PSME4: variants seen among roughly 807,000 people sequenced by gnomAD.
PSME4 encodes the protein proteasome activator subunit 4.
A neutral mutation model predicts 253.9 loss-of-function variants in PSME4; 89 were observed. That is an observed-to-expected ratio of 0.35 (90% CI 0.30 to 0.42). The LOEUF (loss-of-function observed/expected upper bound fraction) is 0.42. PSME4 is among the 10% of genes least tolerant of loss of function. PSME4 has a pLI of 1.00. For missense variants in PSME4, 2,014 were observed against 2,195.2 expected (o/e 0.92, Z 1.65); for synonymous variants, 851 against 759.2 (o/e 1.12, Z -1.99).
In PSME4 at chr2:53,903,238, A is replaced by AC. The variant is rs201802287; in HGVS notation, c.3075+786dup. On this transcript the variant is annotated intron_variant, in intron 27 of 46. Transcript: ENST00000404125. ...ATGGTGCTCTTAGGTCATTGGAACCACTTCAAATTAAACTAGTCCAAATTA... is the reference window on the plus strand; with the variant it reads ...ATGGTGCTCTTAGGTCATTGGAACCACCTTCAAATTAAACTAGTCCAAATTA... Among the ~76,000 whole-genome samples the AC allele has an allele frequency of 9.5e-3, 1,444 of 152,256 alleles. 27 individuals carry two copies. The highest frequency in any genetic ancestry group is 0.033 in the African/African-American group (1,357 of 41,544).
At chr2:53,939,563 C>T (rs559592958) in intron 4 of PSME4, among the ~76,000 whole-genome samples, 10 of 151,700 alleles carry the variant, frequency 6.6e-5, no homozygotes, top group African/African-American at 2.4e-4. Flanking sequence ...CCACTCTCTA[C>T]AAAAAATATT....
At chr2:53,880,637 A>C (rs1470819789) in intron 41 of PSME4, among the ~76,000 whole-genome samples, 1 of 152,228 alleles carries the variant, frequency 6.6e-6, no homozygotes, top group Non-Finnish European at 1.5e-5. Context: ...TGATATACTG[A>C]GTTAAAAACC....
chr2:53,967,440 G>A (rs767231919), intron 1 of PSME4, among the ~76,000 whole-genome samples: 1 of 151,570 alleles, frequency 6.6e-6, no homozygotes, highest in African/African-American at 2.4e-5. Flanking sequence ...ACCTGGGTTC[G>A]AGACCAGCCT....
In PSME4 at chr2:53,920,255, G is replaced by C. The variant is rs1668237587; in HGVS notation, c.2358C>G (p.Ser786=). 1 of 1,613,606 alleles carries C rather than the reference G, an allele frequency of 6.2e-7. No homozygotes were observed. ...GTTTGACGAGCTCAGGCTGAAGAAA[G>C]GAGTCCAAAAGATAAAAGGCAAAAG... The part of the protein sequence containing the change: ...EVSFAFYLLD[S]FLQPELVKLQ... The change falls in exon 19 of 47, where the codon TCC becomes TCG. Residue 786 remains serine, a synonymous_variant. Transcript: ENST00000404125.
intron 7 of PSME4, among the ~76,000 whole-genome samples, chr2:53,935,512 T>C (rs1466149046): frequency 2.6e-5 from 4 of 152,198 alleles, no homozygotes; most frequent in Non-Finnish European, 5.9e-5. Context: ...AAGACACACC[T>C]GGAACATCTA....
At chr2:53,898,162 T>C (rs1680227585) in intron 30 of PSME4, 139 bp downstream of exon 30, 2 of 1,181,260 alleles carry the variant, frequency 1.7e-6, no homozygotes, top group East Asian at 2.5e-5. Context: ...CTCCATCTCT[T>C]TTCCTCTTAA....
intron 32 of PSME4, 38 bp downstream of exon 32, chr2:53,896,766 A>G: frequency 1.3e-6 from 2 of 1,495,904 alleles, no homozygotes; most frequent in Non-Finnish European, 1.9e-6. Context: ...TCTGAGTTTT[A>G]TTGGAAAGCA....
rs10599430 is a variant in PSME4, at chr2:53,876,716, C to CTTTTTTTTTTTTTTTTTTT, written c.4816-980_4816-962dup. 3.5e-4 allele frequency among the ~76,000 whole-genome samples: 34 copies of CTTTTTTTTTTTTTTTTTTT among 97,836 alleles called. 2 individuals are homozygous for CTTTTTTTTTTTTTTTTTTT. The highest frequency in any genetic ancestry group is 1.0e-3 in the African/African-American group (27 of 25,976). 64.2% of individuals were successfully genotyped at this position (97,836 alleles called of 152,430 possible). Reference sequence around the variant, plus strand: ...TCTGATGGCTGTAGCCACTGTCATTCTTTTTTTTTTTTTTTTTTTTGAGAC... The same window carrying CTTTTTTTTTTTTTTTTTTT: ...TCTGATGGCTGTAGCCACTGTCATTCTTTTTTTTTTTTTTTTTTTTTTTTTTTTTTTTTTTTTTTGAGAC... On this transcript the variant is annotated intron_variant, in intron 41 of 46. Transcript: ENST00000404125.
At chr2:53,895,819 A>C (rs698856) in intron 32 of PSME4, 83 bp from the exon 33 acceptor site, 12 of 1,252,844 alleles carry the variant, frequency 9.6e-6, no homozygotes, top group South Asian at 3.0e-5. Context: ...CAGTACCAGC[A>C]TAACTTTGTC....
intron 41 of PSME4, among the ~76,000 whole-genome samples, chr2:53,877,997 C>T (rs897649307): frequency 1.3e-5 from 2 of 152,104 alleles, no homozygotes; most frequent in Admixed American, 6.6e-5. Context: ...TAATATCATA[C>T]TGTAAAAGTG....
intron 14 of PSME4, among the ~76,000 whole-genome samples, chr2:53,924,197 G>T (rs1247565253): frequency 6.6e-6 from 1 of 152,152 alleles, no homozygotes; most frequent in Non-Finnish European, 1.5e-5. Flanking sequence ...GGAAGAATGA[G>T]TTCTATACCT....
At position 53,864,905 on chromosome 2, in the gene PSME4, G is replaced by C. The variant is rs1434741417; in HGVS notation, c.*673C>G. 1 of 152,544 alleles carries C rather than the reference G, an allele frequency of 6.6e-6. No individual in the cohort carries two copies. Among genetic ancestry groups the C allele is most frequent in the Non-Finnish European group, 1.5e-5 (1 of 68,024 alleles). 9.4% of individuals were successfully genotyped at this position (152,544 alleles called of 1,614,324 possible). ...CTGTTTATTTTTAAAATCACACATT[G>C]AATACACACAACAATCAGATTTCTT... On this transcript the variant is annotated 3_prime_UTR_variant, in exon 47 of 47. Coordinates refer to ENST00000404125, the MANE Select transcript of PSME4 (RefSeq NM_014614.3).
At chr2:53,907,029 A>C (rs1680691435) in intron 24 of PSME4, among the ~76,000 whole-genome samples, 161 bp from the exon 25 acceptor site, 1 of 76,686 alleles carries the variant, frequency 1.3e-5, no homozygotes, top group African/African-American at 3.9e-5. Context: ...TTATATAAAA[A>C]TGTTGTCTTA....
intron 1 of PSME4, among the ~76,000 whole-genome samples, chr2:53,951,211 T>C (rs1178416631): frequency 6.6e-6 from 1 of 152,076 alleles, no homozygotes; most frequent in Non-Finnish European, 1.5e-5. Context: ...GCCTCCCCAG[T>C]AGCTGGGATT....
At chr2:53,956,264 C>G (rs1295882830) in intron 1 of PSME4, among the ~76,000 whole-genome samples, 1 of 152,024 alleles carries the variant, frequency 6.6e-6, no homozygotes, top group Non-Finnish European at 1.5e-5. Flanking sequence ...CCTGGTGGCT[C>G]AGGACTATAA....
chr2:53,876,789 G>A (rs1679150956), intron 41 of PSME4, among the ~76,000 whole-genome samples: 1 of 138,386 alleles, frequency 7.2e-6, no homozygotes, highest in Non-Finnish European at 1.5e-5. Flanking sequence ...CACAACCATG[G>A]CTCACTGTAG....
intron 25 of PSME4, 56 bp from the exon 26 acceptor site, chr2:53,906,749 T>C: frequency 2.5e-6 from 4 of 1,601,044 alleles, no homozygotes; most frequent in Non-Finnish European, 2.6e-6. Flanking sequence ...CAAAACTAAA[T>C]ACTCATCTGG....
chr2:53,873,404 T>G (rs1185999393), intron 43 of PSME4, among the ~76,000 whole-genome samples: 1 of 152,072 alleles, frequency 6.6e-6, no homozygotes, highest in Non-Finnish European at 1.5e-5. Context: ...TCAATACCAA[T>G]AAGTATATAA....
intron 1 of PSME4, among the ~76,000 whole-genome samples, chr2:53,956,283 C>A (rs1670231768): frequency 6.6e-6 from 1 of 151,966 alleles, no homozygotes; most frequent in Non-Finnish European, 1.5e-5. Context: ...AATCCCAGCA[C>A]TTTAGGAGGC....
Sources: gnomAD v4.1 joint callset for allele counts (sites outside exome capture counted in the v4.1 genomes callset) on GRCh38, gnomAD v4.1.1 for gene constraint, MANE v1.5 for transcripts, NCBI Gene and HGNC (gene_info 2026-07-23, HGNC 2026-07-21) for gene names.